Variants in PC observed in about 807,000 individuals in gnomAD.
PC encodes the protein pyruvate carboxylase, mitochondrial.
PC carries 46 observed loss-of-function variants against 107.8 expected under a neutral mutation model. That is an observed-to-expected ratio of 0.43 (90% CI 0.34 to 0.55). PC has a LOEUF of 0.55. Ranked by LOEUF, PC falls within the 20% of genes least tolerant of loss-of-function variation. The probability of loss-of-function intolerance (pLI) is 0.04; values close to 1 mark genes in which losing one functional copy is unlikely to be tolerated. For missense variants in PC, 1,241 were observed against 1,643.1 expected (o/e 0.76, Z 4.23); for synonymous variants, 662 against 684.7 (o/e 0.97, Z 0.52).
chr11:66,930,128 CA>C (rs1186852522), intron 3 of PC, among the ~76,000 whole-genome samples: 20 of 151,894 alleles, frequency 1.3e-4, no homozygotes, highest in African/African-American at 3.9e-4. Flanking sequence ...TCCCTGTCCC[CA>C]AGAGCTACCT....
intron 3 of PC, among the ~76,000 whole-genome samples, chr11:66,892,747 C>T (rs972390222): frequency 6.6e-6 from 1 of 151,866 alleles, no homozygotes; most frequent in Admixed American, 6.6e-5. Context: ...CCCAGCTACT[C>T]GGGAGGCTGA....
chr11:66,853,209 A>G (rs1591126841), intron 13 of PC, 30 bp downstream of exon 13: 1 of 1,597,256 alleles, frequency 6.3e-7, no homozygotes, highest in Non-Finnish European at 8.6e-7. Context: ...AGGGGAGGGG[A>G]GGGCAGGGCA....
In PC at chr11:66,928,143, T is replaced by C. The variant is rs1363533730; in HGVS notation, c.-1+24287A>G. On this transcript the variant is annotated intron_variant, in intron 3 of 22. Coordinates refer to ENST00000393960, the MANE Select transcript of PC (RefSeq NM_001040716.2). ...TGTCTCACACCTGTAATCCAGCACT[T>C]TGGGAGCCTAAGGCGGGCGGATCAC... Among the ~76,000 whole-genome samples the C allele has an allele frequency of 2.0e-5, 3 of 152,080 alleles. No homozygotes were observed. The East Asian group carries it at 5.8e-4, about 29-fold the overall frequency.
Position 66,871,360 on chromosome 11 carries a change from T to C in PC, c.442A>G (p.Lys148Glu). 1 of 1,613,886 alleles carries C rather than the reference T, an allele frequency of 6.2e-7. No individual in the cohort carries two copies. The highest frequency in any genetic ancestry group is 2.2e-5 in the East Asian group (1 of 44,886). ...CGGGCCTCCACCTTGTCTCCCATCT[T>C]GCGGACCACTTCTGGGCTTGGCCCA... ...FIGPSPEVVR[K>E]MGDKVEARAI... Residue 148 changes from lysine (K) to glutamate (E), a missense_variant, in exon 6 of 23, where the codon AAG (lysine) becomes GAG (glutamate). Physicochemically the swap from Lys to Glu is moderately conservative, Grantham distance 56. This residue lies in a region of PC where 1,143 missense variants were observed against 1,551.9 expected (regional missense o/e 0.74). Coordinates refer to ENST00000393960, the MANE Select transcript of PC (RefSeq NM_001040716.2). This position sits in a 1 kb window ranked among gnomAD's most constrained non-coding sequence, Gnocchi z 7.4.
At chr11:66,855,974 G>A (rs1945786390) in intron 12 of PC, among the ~76,000 whole-genome samples, 1 of 152,250 alleles carries the variant, frequency 6.6e-6, no homozygotes, top group African/African-American at 2.4e-5. Flanking sequence ...GGAGAACGAG[G>A]ATGGCTGAGG....
intron 3 of PC, among the ~76,000 whole-genome samples, chr11:66,933,394 C>T (rs1444464116): frequency 6.6e-6 from 1 of 152,178 alleles, no homozygotes; most frequent in East Asian, 1.9e-4. Context: ...GCTTATTGCT[C>T]TGGTCTCAAG....
Position 66,923,811 on chromosome 11 carries a change from T to C in PC, c.-1+28619A>G, listed in dbSNP as rs551607952. Among the ~76,000 whole-genome samples, 36 of 145,576 alleles carry C rather than the reference T, an allele frequency of 2.5e-4. No individual in the cohort carries two copies. In the East Asian group the frequency reaches 2.7e-3, roughly 11 times the overall value. On this transcript the variant is annotated intron_variant, in intron 3 of 22. Transcript: ENST00000393960. Reference sequence around the variant, plus strand: ...CTAGGATTACAGATGTGAGCCACCATGCCCGGCCAATACAAAGGGTTTAAA... The same window carrying C: ...CTAGGATTACAGATGTGAGCCACCACGCCCGGCCAATACAAAGGGTTTAAA...
chr11:66,870,550 C>T lies in PC; in HGVS notation c.752-97G>A. 2 of 1,418,160 alleles carry T rather than the reference C, an allele frequency of 1.4e-6. No homozygotes were observed. The highest frequency in any genetic ancestry group is 2.0e-6 in the Non-Finnish European group (2 of 1,022,566). 87.8% of individuals were successfully genotyped at this position (1,418,160 alleles called of 1,614,324 possible). A position where few individuals can be genotyped will look rare whatever the true frequency, so the allele number is the denominator to read the frequency against. On this transcript the variant is annotated intron_variant, in intron 8 of 22. Transcript: ENST00000393960. This position sits in a 1 kb window ranked among gnomAD's most constrained non-coding sequence, Gnocchi z 6.1. Reference sequence around the variant, plus strand: ...ACATAACCACTGTCGCCAGTCAGTGCCGGCTGCCAGCGGTACAGAGGCTGC... The same window carrying T: ...ACATAACCACTGTCGCCAGTCAGTGTCGGCTGCCAGCGGTACAGAGGCTGC...
At position 66,857,959 on chromosome 11, in the gene PC, C is replaced by T. The variant is rs1945969499; in HGVS notation, c.1369-4576G>A. On this transcript the variant is annotated intron_variant, in intron 12 of 22. Transcript: ENST00000393960. This position sits in a 1 kb window ranked among gnomAD's most constrained non-coding sequence, Gnocchi z 7.1. ...GGGCCCCCTGACTTCCGCAACATGA[C>T]GGGACTGGTGGACCTGACACTGTCT... 3 of 1,612,532 alleles carry T rather than the reference C, an allele frequency of 1.9e-6. No homozygotes were observed. Among genetic ancestry groups the T allele is most frequent in the South Asian group, 1.1e-5 (1 of 91,080 alleles).
intron 3 of PC, among the ~76,000 whole-genome samples, chr11:66,877,482 G>C (rs892586730): frequency 3.3e-5 from 5 of 151,714 alleles, no homozygotes; most frequent in Non-Finnish European, 7.4e-5. Context: ...GAGGTCAGGA[G>C]ATGGAGACCA....
Position 66,858,858 on chromosome 11 carries a change from C to A in PC, c.1368+4916G>T, listed in dbSNP as rs1383806190. The A allele has an allele frequency of 1.3e-6, 2 of 1,554,556 alleles. No individual in the cohort carries two copies. The highest frequency in any genetic ancestry group is 1.7e-6 in the Non-Finnish European group (2 of 1,150,252). On this transcript the variant is annotated intron_variant, in intron 12 of 22. Transcript: ENST00000393960. This position sits in a 1 kb window ranked among gnomAD's most constrained non-coding sequence, Gnocchi z 5.9. The stretch of plus-strand genomic sequence containing the variant: ...AGTAGAACTGCGGGTGCTGGCCTTG[C>A]CCCATGGTGGGAACAGCAGTGCCGA...
chr11:66,942,705 C>A (rs919790255), intron 3 of PC, among the ~76,000 whole-genome samples: 1 of 151,902 alleles, frequency 6.6e-6, no homozygotes, highest in Non-Finnish European at 1.5e-5. Context: ...CTGAACTGTA[C>A]GCTGGAAAAT....
chr11:66,893,454 C>T (rs909290944), intron 3 of PC, among the ~76,000 whole-genome samples: 1 of 152,018 alleles, frequency 6.6e-6, no homozygotes, highest in African/African-American at 2.4e-5. Context: ...GACCTGGTGT[C>T]CAAGTACTTA....
intron 3 of PC, among the ~76,000 whole-genome samples, chr11:66,895,818 G>C (rs1410251149): frequency 6.6e-6 from 1 of 152,142 alleles, no homozygotes; most frequent in African/African-American, 2.4e-5. Context: ...AATGTTTCAA[G>C]AAACTCCCAG....
chr11:66,955,312 TGGGAGGACAGGTACCTATCACAGTGCCTG>T (rs1949533952), intron 1 of PC, among the ~76,000 whole-genome samples: 1 of 151,864 alleles, frequency 6.6e-6, no homozygotes, highest in South Asian at 2.1e-4. Flanking sequence ...TGAGTGGTGG[TGGGAGGACAGGTACCTATCACAGTGCCTG>T]GGGCACTGGA....
chr11:66,915,084 C>A (rs1332660156), intron 3 of PC, among the ~76,000 whole-genome samples: 1 of 151,798 alleles, frequency 6.6e-6, no homozygotes, highest in Non-Finnish European at 1.5e-5. Context: ...TCCTAGGGTG[C>A]GCCAATGGGG....
chr11:66,908,025 G>C (rs1256854838), intron 3 of PC: 1 of 152,320 alleles, frequency 6.6e-6, no homozygotes. Context: ...TGGGCCTTGA[G>C]TAGACTGAGG....
At position 66,851,602 on chromosome 11, in the gene PC, A is replaced by T. The variant is rs374466306; in HGVS notation, c.1982+188T>A. Reference sequence around the variant, plus strand: ...TGCCCCAGGAGTGAGGGAGTGATTTAGAAGCCTGTCTGGTTCTGCAACTCC... The same window carrying T: ...TGCCCCAGGAGTGAGGGAGTGATTTTGAAGCCTGTCTGGTTCTGCAACTCC... On this transcript the variant is annotated intron_variant, in intron 16 of 22. Transcript: ENST00000393960. Among the ~76,000 whole-genome samples the T allele has an allele frequency of 1.2e-4, 18 of 152,348 alleles. No homozygotes were observed. In the East Asian group the frequency reaches 2.7e-3, roughly 23 times the overall value.
rs879010472 is a variant in PC, at chr11:66,860,555, G to A, written c.1368+3219C>T. ...CGGGCCGCTGGTGGCACACGGACAA[G>A]GGTGGGGCTACCAGGGCCGGTGGGG... On this transcript the variant is annotated intron_variant, in intron 12 of 22. Coordinates refer to ENST00000393960, the MANE Select transcript of PC (RefSeq NM_001040716.2). The A allele has an allele frequency of 1.3e-5, 9 of 701,896 alleles. No individual in the cohort carries two copies. In the South Asian group the frequency reaches 1.3e-4, roughly 10 times the overall value. 43.5% of individuals were successfully genotyped at this position (701,896 alleles called of 1,614,324 possible).
Sources: gnomAD v4.1 joint callset for allele counts (sites outside exome capture counted in the v4.1 genomes callset) on GRCh38, gnomAD v4.1.1 for gene constraint, gnomAD v4.1.1 regional missense constraint, Gnocchi (gnomAD v3.1) non-coding constraint, MANE v1.5 for transcripts, NCBI Gene and HGNC (gene_info 2026-07-23, HGNC 2026-07-21) for gene names.